The following FAM216A variants were observed in gnomAD, a reference collection of about 807,000 sequenced individuals.
The protein encoded by FAM216A is protein FAM216A.
In FAM216A, 26 loss-of-function variants were observed where a neutral mutation model predicts 37.6. The observed-to-expected ratio is 0.69, with a 90% CI of 0.51 to 0.96. The LOEUF (loss-of-function observed/expected upper bound fraction) is 0.96. FAM216A is among the 40% of genes least tolerant of loss of function. FAM216A has a pLI of 0.00. For synonymous variants in FAM216A, 110 were observed against 121.7 expected, an observed-to-expected ratio of 0.90 and a Z score of 0.64; for missense variants, 326 against 339.3, an observed-to-expected ratio of 0.96 and a Z score of 0.31.
At chr12:110,471,992 G>A (rs2062689308) in intron 1 of FAM216A, among the ~76,000 whole-genome samples, 2 of 151,934 alleles carry the variant, frequency 1.3e-5, no homozygotes. Context: ...AGCACTTTGG[G>A]AGGCTGAGGC....
At chr12:110,481,676 A>C (rs1394792676) in intron 2 of FAM216A, among the ~76,000 whole-genome samples, 3 of 151,932 alleles carry the variant, frequency 2.0e-5, no homozygotes, top group Non-Finnish European at 4.4e-5. Flanking sequence ...ATTTATTTTT[A>C]AGTGCTTCAT....
In FAM216A at chr12:110,487,962, CAA is replaced by C; in HGVS notation, c.703+20_703+21del. The C allele has an allele frequency of 7.0e-7, 1 of 1,438,484 alleles. No individual in the cohort carries two copies. The highest frequency in any genetic ancestry group is 9.7e-7 in the Non-Finnish European group (1 of 1,031,442). 89.1% of individuals were successfully genotyped at this position (1,438,484 alleles called of 1,614,324 possible). ...CAAACAGGTAAATGTGGAAATTTAA[CAA>C]TATTCATTTTTTAAGATCTTATGCT... On this transcript the variant is annotated intron_variant, in intron 6 of 6. Coordinates refer to ENST00000377673, the MANE Select transcript of FAM216A (RefSeq NM_013300.3).
At chr12:110,476,604 G>T (rs1351819723) in intron 2 of FAM216A, among the ~76,000 whole-genome samples, 1 of 151,868 alleles carries the variant, frequency 6.6e-6, no homozygotes, top group Non-Finnish European at 1.5e-5. Context: ...TTGGCTCACC[G>T]CAACCTCTGC....
intron 2 of FAM216A, among the ~76,000 whole-genome samples, chr12:110,481,338 C>T (rs893658826): frequency 3.3e-5 from 5 of 152,104 alleles, no homozygotes; most frequent in African/African-American, 1.2e-4. Flanking sequence ...GTTCGAGGCA[C>T]TGCCATACTA....
chr12:110,482,231 G>GC (rs1279982941), intron 2 of FAM216A, among the ~76,000 whole-genome samples: 1 of 151,872 alleles, frequency 6.6e-6, no homozygotes, highest in Non-Finnish European at 1.5e-5. Context: ...ACAGGTGTAC[G>GC]CCACCACACC....
At chr12:110,472,501 G>A (rs1394625332) in intron 1 of FAM216A, among the ~76,000 whole-genome samples, 1 of 152,042 alleles carries the variant, frequency 6.6e-6, no homozygotes, top group African/African-American at 2.4e-5. Flanking sequence ...TGAGGCTGCG[G>A]TGGGCTATGA....
intron 2 of FAM216A, among the ~76,000 whole-genome samples, chr12:110,483,330 C>CAA (rs916383892): frequency 2.5e-5 from 3 of 120,904 alleles, no homozygotes; most frequent in Non-Finnish European, 3.4e-5. Flanking sequence ...GACTCCTTCT[C>CAA]AAAAAAAAAA....
At chr12:110,468,734 C>G, upstream of FAM216A, 1 of 1,492,948 alleles carries the variant, frequency 6.7e-7, no homozygotes, top group South Asian at 1.3e-5. Context: ...CACCGTAACT[C>G]CGGGGTCGCG....
In FAM216A at chr12:110,485,001, A is replaced by T. The variant is rs967004283; in HGVS notation, c.185-77A>T. On this transcript the variant is annotated intron_variant, in intron 2 of 6. Coordinates refer to ENST00000377673, the MANE Select transcript of FAM216A (RefSeq NM_013300.3). ...AGGCGTGAGCCACCACACCCGGCCT[A>T]AATATCTAGATCTTAATAATTCAGT... 1.1e-5 allele frequency: 17 copies of T among 1,479,262 alleles called. 1 individual carries two copies. The South Asian group carries it at 2.3e-4, about 20-fold the overall frequency. 91.6% of individuals were successfully genotyped at this position (1,479,262 alleles called of 1,614,324 possible). A position where few individuals can be genotyped will look rare whatever the true frequency, so the allele number is the denominator to read the frequency against.
chr12:110,470,106 T>G (rs914487345), intron 1 of FAM216A, among the ~76,000 whole-genome samples: 10 of 151,378 alleles, frequency 6.6e-5, no homozygotes, highest in Admixed American at 2.0e-4. Context: ...CCTTTTTGTT[T>G]TTTTTTTTTT....
chr12:110,469,330 G>A (rs2062665185), intron 1 of FAM216A: 1 of 316,912 alleles, frequency 3.2e-6, no homozygotes, highest in South Asian at 9.7e-5. Context: ...GCCCTGCTGG[G>A]ACGTTTGCTG....
At position 110,473,030 on chromosome 12, in the gene FAM216A, A is replaced by G. The variant is rs747131974; in HGVS notation, c.144-48A>G. ...TTGAAATATGTTGTTCAGTGCTTGT[A>G]ACATTGTAATTATTACATATTATTT... On this transcript the variant is annotated intron_variant, in intron 1 of 6. Transcript: ENST00000377673. The G allele has an allele frequency of 5.0e-6, 4 of 793,364 alleles. No individual in the cohort carries two copies. The Admixed American group carries it at 7.6e-5, about 15-fold the overall frequency. The allele number at this position is 793,364 out of a possible 1,614,324, so 49.1% of individuals were successfully genotyped here.
At chr12:110,472,225 T>C (rs1469207344) in intron 1 of FAM216A, among the ~76,000 whole-genome samples, 12 of 149,456 alleles carry the variant, frequency 8.0e-5, no homozygotes, top group Non-Finnish European at 1.6e-4. Flanking sequence ...AGCAAGACTC[T>C]ACCTCAAAAA....
At chr12:110,477,123 G>A (rs2062718812) in intron 2 of FAM216A, among the ~76,000 whole-genome samples, 1 of 152,190 alleles carries the variant, frequency 6.6e-6, no homozygotes, top group Non-Finnish European at 1.5e-5. Context: ...CACAGAAGTG[G>A]TGCTGAGTTT....
At chr12:110,481,170 T>C (rs2062744719) in intron 2 of FAM216A, among the ~76,000 whole-genome samples, 1 of 152,200 alleles carries the variant, frequency 6.6e-6, no homozygotes, top group Non-Finnish European at 1.5e-5. Context: ...ATTCACCTGT[T>C]GATGGATACT....
At chr12:110,479,429 C>T (rs1050823608) in intron 2 of FAM216A, among the ~76,000 whole-genome samples, 4 of 151,712 alleles carry the variant, frequency 2.6e-5, no homozygotes, top group East Asian at 1.9e-4. Flanking sequence ...ATAGGTAACT[C>T]GTCTCCAAAA....
At chr12:110,474,636 G>A (rs1429787829) in intron 2 of FAM216A, among the ~76,000 whole-genome samples, 1 of 137,558 alleles carries the variant, frequency 7.3e-6, no homozygotes, top group African/African-American at 2.7e-5. Context: ...AGGTTGCAGT[G>A]AGCTAAGATC....
At chr12:110,469,842 A>G (rs956163288) in intron 1 of FAM216A, among the ~76,000 whole-genome samples, 18 of 152,084 alleles carry the variant, frequency 1.2e-4, no homozygotes, top group Non-Finnish European at 1.5e-4. Context: ...AATGAGACCA[A>G]TGACTGAATA....
upstream of FAM216A, chr12:110,468,780 C>T (rs2135535405): frequency 6.8e-7 from 1 of 1,468,642 alleles, no homozygotes; most frequent in Middle Eastern, 2.1e-4. Context: ...GCTGTTCGGG[C>T]AGTGTCCGAA....
Sources: allele counts gnomAD v4.1 joint callset (sites outside exome capture counted in the v4.1 genomes callset), GRCh38; gene constraint gnomAD v4.1.1; transcripts MANE v1.5; gene names NCBI Gene and HGNC (gene_info 2026-07-23, HGNC 2026-07-21).